GLP2R: variants seen among roughly 807,000 people sequenced by gnomAD.
GLP2R encodes glucagon-like peptide 2 receptor.
A neutral mutation model predicts 68.2 loss-of-function variants in GLP2R; 59 were observed. The observed-to-expected ratio is 0.87, with a 90% CI of 0.70 to 1.07. GLP2R has a LOEUF of 1.07. Ranked by LOEUF, GLP2R falls within the 50% of genes least tolerant of loss-of-function variation. The pLI is 0.00. For synonymous variants in GLP2R, 270 were observed against 265.4 expected, an observed-to-expected ratio of 1.02 and a Z score of -0.17; for missense variants, 548 against 677.4, an observed-to-expected ratio of 0.81 and a Z score of 2.12.
chr17:9,876,703 C>T (rs1334516727), intron 10 of GLP2R, among the ~76,000 whole-genome samples: 1 of 152,162 alleles, frequency 6.6e-6, no homozygotes, highest in African/African-American at 2.4e-5. Flanking sequence ...TTCTCAAATT[C>T]TTTCAGCTTA....
At chr17:9,841,476 G>A (rs1283592140) in intron 3 of GLP2R, among the ~76,000 whole-genome samples, 1 of 152,106 alleles carries the variant, frequency 6.6e-6, no homozygotes, top group East Asian at 1.9e-4. Flanking sequence ...GTCAGATTCT[G>A]GGTACAGATG....
chr17:9,858,377 T>A (rs568793082), intron 6 of GLP2R, among the ~76,000 whole-genome samples: 7 of 152,372 alleles, frequency 4.6e-5, no homozygotes, highest in African/African-American at 1.7e-4. Flanking sequence ...TCTCCTAAGT[T>A]GCTGTCTTTA....
At position 9,891,475 on chromosome 17, in the gene GLP2R, C is replaced by T. The variant is rs1393247143; in HGVS notation, c.*1770C>T. 2.0e-5 allele frequency: 3 copies of T among 152,240 alleles called. No homozygotes were observed. Among genetic ancestry groups the T allele is most frequent in the Non-Finnish European group, 4.4e-5 (3 of 68,056 alleles). The allele number at this position is 152,240 out of a possible 1,614,324, so 9.4% of individuals were successfully genotyped here. A position where few individuals can be genotyped will look rare whatever the true frequency, so the allele number is the denominator to read the frequency against. On this transcript the variant is annotated 3_prime_UTR_variant, in exon 13 of 13. Transcript: ENST00000262441. ...GTGAGGCAGGAGAGGCCAGCTCTTG[C>T]AAGTGCAGGCTCTGGTCCTGACTTT... is the stretch of plus-strand genomic sequence containing the variant.
chr17:9,863,979 C>A (rs186203370), intron 9 of GLP2R, among the ~76,000 whole-genome samples: 57 of 152,288 alleles, frequency 3.7e-4, no homozygotes, highest in African/African-American at 1.4e-3. Context: ...AGAATGGAGG[C>A]CAGCAGCCAT....
chr17:9,832,362 C>T (rs1019752270), intron 1 of GLP2R, among the ~76,000 whole-genome samples: 3 of 152,088 alleles, frequency 2.0e-5, no homozygotes, highest in Non-Finnish European at 2.9e-5. Context: ...ATCACAAGGT[C>T]AGGAGTTCGA....
rs561703260 is a variant in GLP2R at position 9,859,051 on chromosome 17, T to G, written c.766-891T>G. On this transcript the variant is annotated intron_variant, in intron 6 of 12. Coordinates refer to ENST00000262441, the MANE Select transcript of GLP2R (RefSeq NM_004246.3). Reference sequence around the variant, plus strand: ...TTTCTAACTTTTTTTTACATGATCCTTAAAATAATTGATATTCAGCATTTT... The same window carrying G: ...TTTCTAACTTTTTTTTACATGATCCGTAAAATAATTGATATTCAGCATTTT... Among the ~76,000 whole-genome samples the G allele has an allele frequency of 4.6e-5, 7 of 152,344 alleles. 1 individual carries two copies. In the South Asian group the frequency reaches 1.4e-3, roughly 32 times the overall value.
At chr17:9,887,853 G>A (rs2067256968) in intron 11 of GLP2R, 79 bp from the exon 12 acceptor site, 3 of 1,001,564 alleles carry the variant, frequency 3.0e-6, no homozygotes, top group Non-Finnish European at 4.8e-6. Flanking sequence ...ACCTGTGCAG[G>A]GCTTTGGACG....
At chr17:9,853,153 A>T in intron 4 of GLP2R, 1 of 454,624 alleles carries the variant, frequency 2.2e-6, no homozygotes, top group Non-Finnish European at 4.1e-6. Context: ...CATGCTTTGC[A>T]CCAGCCCTCA....
At chr17:9,880,551 T>C (rs757643007) in intron 11 of GLP2R, 35 bp downstream of exon 11, 4 of 1,477,428 alleles carry the variant, frequency 2.7e-6, no homozygotes, top group Non-Finnish European at 3.7e-6. Context: ...GCCTTGACTT[T>C]GGAGAAAACA....
In GLP2R at chr17:9,845,120, G is replaced by A. The variant is rs117040355; in HGVS notation, c.504+2504G>A. ...GTTCCCCAGGGTGGAGTGCAGTGACGCGATCATGGCCCACCACAGCCTCCA... is the reference window on the plus strand; with the variant it reads ...GTTCCCCAGGGTGGAGTGCAGTGACACGATCATGGCCCACCACAGCCTCCA... On this transcript the variant is annotated intron_variant, in intron 4 of 12. Transcript: ENST00000262441. Among the ~76,000 whole-genome samples, 651 of 150,396 alleles carry A rather than the reference G, an allele frequency of 4.3e-3. 2 individuals are homozygous for A. Among genetic ancestry groups the A allele is most frequent in the Non-Finnish European group, 7.4e-3 (498 of 67,694 alleles).
intron 1 of GLP2R, among the ~76,000 whole-genome samples, chr17:9,833,029 G>T (rs1195428543): frequency 2.6e-5 from 4 of 152,100 alleles, no homozygotes; most frequent in Admixed American, 1.3e-4. Flanking sequence ...TTGGGAAGCT[G>T]AGGTGGGCAG....
chr17:9,879,760 C>G (rs2067178428), intron 10 of GLP2R, among the ~76,000 whole-genome samples: 1 of 152,110 alleles, frequency 6.6e-6, no homozygotes, highest in South Asian at 2.1e-4. Flanking sequence ...TGAGGAGGAT[C>G]AGTTTTTCAT....
At chr17:9,849,020 AT>A (rs1433611224) in intron 4 of GLP2R, among the ~76,000 whole-genome samples, 1 of 122,434 alleles carries the variant, frequency 8.2e-6, no homozygotes, top group African/African-American at 3.7e-5. Flanking sequence ...TAAATACATA[AT>A]TTAATTAATA....
chr17:9,828,546 C>T (rs2066652941), intron 1 of GLP2R, among the ~76,000 whole-genome samples: 1 of 152,202 alleles, frequency 6.6e-6, no homozygotes, highest in African/African-American at 2.4e-5. Flanking sequence ...CTTACTTAAT[C>T]CTCAACACAA....
chr17:9,868,640 G>A (rs2067063215), intron 9 of GLP2R, among the ~76,000 whole-genome samples: 1 of 152,164 alleles, frequency 6.6e-6, no homozygotes, highest in South Asian at 2.1e-4. Flanking sequence ...GCCCAGATGA[G>A]CAGAGGCTTC....
At chr17:9,838,206 G>A (rs1294913319) in intron 3 of GLP2R, among the ~76,000 whole-genome samples, 2 of 152,130 alleles carry the variant, frequency 1.3e-5, no homozygotes, top group Non-Finnish European at 2.9e-5. Flanking sequence ...CAGGAGCCCC[G>A]AGGTCAGACC....
At chr17:9,861,003 G>C (rs995911636) in intron 7 of GLP2R, 136 bp from the exon 8 acceptor site, 6 of 687,792 alleles carry the variant, frequency 8.7e-6, no homozygotes, top group Non-Finnish European at 1.6e-5. Context: ...GGTCTCTCCA[G>C]CTCTCACAGT....
At chr17:9,832,808 G>T (rs2066692559) in intron 1 of GLP2R, among the ~76,000 whole-genome samples, 2 of 152,170 alleles carry the variant, frequency 1.3e-5, no homozygotes, top group African/African-American at 2.4e-5. Context: ...CTGTTACACA[G>T]CCCAGTTATC....
rs116054562 is a variant in GLP2R at position 9,833,888 on chromosome 17, C to T, written c.271C>T (p.Pro91Ser). The change falls in exon 2 of 13, where the codon CCT (proline) becomes TCT (serine). Residue 91 changes from proline to serine, a missense_variant. Coordinates refer to ENST00000262441, the MANE Select transcript of GLP2R (RefSeq NM_004246.3). ...ATGTCTGAGAGACTTACTCAAGGAA[C>T]CTTCTGGTAAGCATGTGTATTAGTT... ...QACLRDLLKE[P>S]SGIFCNGTFD... 2.2e-5 allele frequency: 36 copies of T among 1,603,136 alleles called. 1 individual carries two copies. The highest frequency in any genetic ancestry group is 5.5e-5 in the South Asian group (5 of 90,854).
Sources: allele counts gnomAD v4.1 joint callset (sites outside exome capture counted in the v4.1 genomes callset), GRCh38; gene constraint gnomAD v4.1.1; transcripts MANE v1.5; gene names NCBI Gene and HGNC (gene_info 2026-07-23, HGNC 2026-07-21).